Variants in FBLN2 observed in about 807,000 individuals in gnomAD.
The protein encoded by FBLN2 is fibulin-2.
A neutral mutation model predicts 123.7 loss-of-function variants in FBLN2; 81 were observed. The ratio of observed to expected loss-of-function variants is 0.65; its 90% confidence interval spans 0.55 to 0.79. The LOEUF is 0.79. Among genes scored for constraint, FBLN2 ranks in the 30% least tolerant of loss-of-function variants. The pLI is 0.00. For synonymous variants in FBLN2, 699 were observed against 701.4 expected (o/e 1.00, Z 0.05); for missense variants, 1,603 against 1,681.3 (o/e 0.95, Z 0.81).
At chr3:13,615,703 C>A (rs187117840) in intron 5 of FBLN2, among the ~76,000 whole-genome samples, 2 of 152,202 alleles carry the variant, frequency 1.3e-5, no homozygotes, top group South Asian at 4.1e-4. Context: ...TTACCGTTGC[C>A]GTGCTTCAGC....
At chr3:13,585,200 AC>A (rs1158999810) in intron 2 of FBLN2, among the ~76,000 whole-genome samples, 2 of 151,798 alleles carry the variant, frequency 1.3e-5, no homozygotes, top group Non-Finnish European at 2.9e-5. Flanking sequence ...TGTGCCTCAC[AC>A]CCCCCACCAG....
chr3:13,571,088 C>T lies in FBLN2; in HGVS notation c.733C>T (p.Pro245Ser), dbSNP rs753743138. 2.6e-6 allele frequency: 4 copies of T among 1,552,872 alleles called. No homozygotes were observed. Among genetic ancestry groups the T allele is most frequent in the East Asian group, 2.4e-5 (1 of 41,090 alleles). Reference protein sequence around the residue: ...GSQPLSTIQAPPWPAVLPRPT... With the variant: ...GSQPLSTIQASPWPAVLPRPT... The stretch of plus-strand genomic sequence containing the variant: ...TCAGCCACTGTCCACCATCCAGGCA[C>T]CCCCCTGGCCAGCTGTCCTCCCCAG... Residue 245 changes from proline (P) to serine (S), a missense_variant, in exon 2 of 18, where the codon CCC (proline) becomes TCC (serine). Pro to Ser is a moderately conservative substitution (Grantham distance 74). Coordinates refer to ENST00000404922, the MANE Select transcript of FBLN2 (RefSeq NM_001004019.2).
chr3:13,581,222 T>A (rs868248371), intron 2 of FBLN2, among the ~76,000 whole-genome samples: 1 of 42,338 alleles, frequency 2.4e-5, no homozygotes, highest in African/African-American at 8.2e-5. Context: ...AGGTGGGGGG[T>A]GGGGGGGAGG....
At chr3:13,617,464 A>G (rs762919892) in intron 5 of FBLN2, among the ~76,000 whole-genome samples, 3 of 150,836 alleles carry the variant, frequency 2.0e-5, no homozygotes, top group Non-Finnish European at 4.4e-5. Context: ...CCATCCATCC[A>G]TTCAGCCAAA....
intron 2 of FBLN2, among the ~76,000 whole-genome samples, chr3:13,606,857 T>C (rs1215259174): frequency 6.6e-6 from 1 of 152,078 alleles, no homozygotes; most frequent in East Asian, 1.9e-4. Context: ...TTCTCCATGT[T>C]GGTCAGGCTG....
Position 13,562,913 on chromosome 3 carries a change from C to T in FBLN2, c.-41-7402C>T, listed in dbSNP as rs141593158. Among the ~76,000 whole-genome samples, 1,017 of 152,272 alleles carry T rather than the reference C, an allele frequency of 6.7e-3. 12 individuals carry two copies. Among genetic ancestry groups the T allele is most frequent in the African/African-American group, 0.023 (935 of 41,550 alleles). ...GTCCTTTGGTGTCTGGCTTATTCAC[C>T]TAGCACAGCGTCCTCAGGGTTCATC... On this transcript the variant is annotated intron_variant, in intron 1 of 17. Transcript: ENST00000404922.
At chr3:13,586,495 G>GTTTTT (rs1245229846) in intron 2 of FBLN2, among the ~76,000 whole-genome samples, 1 of 117,764 alleles carries the variant, frequency 8.5e-6, no homozygotes, top group African/African-American at 3.1e-5. Context: ...TGTCTTAGTT[G>GTTTTT]TTTTTTTTTT....
chr3:13,552,190 C>T (rs1022681885), intron 1 of FBLN2, among the ~76,000 whole-genome samples: 2 of 148,304 alleles, frequency 1.3e-5, no homozygotes, highest in Non-Finnish European at 3.0e-5. Flanking sequence ...TTCCCCCACA[C>T]TGCTGCTGGC....
At chr3:13,635,715 A>G (rs1706437106) in intron 16 of FBLN2, among the ~76,000 whole-genome samples, 1 of 152,192 alleles carries the variant, frequency 6.6e-6, no homozygotes, top group African/African-American at 2.4e-5. Flanking sequence ...ACTTCCATCC[A>G]GCAAGAAGTA....
At chr3:13,631,553 A>G in intron 16 of FBLN2, 96 bp downstream of exon 16, 2 of 1,392,368 alleles carry the variant, frequency 1.4e-6, no homozygotes, top group Admixed American at 4.9e-5. Flanking sequence ...GTGCACTTGG[A>G]GCCCCCACAC....
At chr3:13,587,182 T>C (rs1421710767) in intron 2 of FBLN2, among the ~76,000 whole-genome samples, 1 of 148,004 alleles carries the variant, frequency 6.8e-6, no homozygotes, top group African/African-American at 2.5e-5. Context: ...ATTAAAAAAA[T>C]AATAAAAACA....
At chr3:13,556,955 T>G (rs1271643761) in intron 1 of FBLN2, among the ~76,000 whole-genome samples, 1 of 152,244 alleles carries the variant, frequency 6.6e-6, no homozygotes, top group Non-Finnish European at 1.5e-5. Context: ...CCATCTTTCT[T>G]TTGTCTCTGC....
At chr3:13,577,702 A>G (rs1340601159) in intron 2 of FBLN2, among the ~76,000 whole-genome samples, 1 of 152,166 alleles carries the variant, frequency 6.6e-6, no homozygotes, top group Non-Finnish European at 1.5e-5. Context: ...TCTGCTGGAG[A>G]GAATGGGAGC....
rs1033462452 is a variant in FBLN2, at chr3:13,571,134, T to C, written c.779T>C (p.Leu260Pro). Residue 260 changes from leucine to proline, a missense_variant, in exon 2 of 18, where the codon CTG becomes CCG. Physicochemically the swap from Leu to Pro is moderately conservative, Grantham distance 98 (BLOSUM62 -3). Coordinates refer to ENST00000404922, the MANE Select transcript of FBLN2 (RefSeq NM_001004019.2). ...VLPRPTAAAA[L>P]GPPAPVQAKA... ...CCCAGGCCCACAGCGGCTGCTGCCC[T>C]GGGTCCCCCAGCCCCAGTGCAGGCC... The C allele has an allele frequency of 1.3e-6, 2 of 1,552,834 alleles. No individual in the cohort carries two copies. The highest frequency in any genetic ancestry group is 1.4e-5 in the African/African-American group (1 of 73,102).
intron 1 of FBLN2, among the ~76,000 whole-genome samples, chr3:13,554,258 T>C (rs112398554): frequency 0.047 from 7,231 of 152,262 alleles, 233 homozygotes; most frequent in Non-Finnish European, 0.071. Context: ...GCTTCTGTCT[T>C]CTGGCCACGG....
At position 13,571,089 on chromosome 3, in the gene FBLN2, C is replaced by A. The variant is rs1304120624; in HGVS notation, c.734C>A (p.Pro245His). ...CAGCCACTGTCCACCATCCAGGCAC[C>A]CCCCTGGCCAGCTGTCCTCCCCAGG... ...GSQPLSTIQA[P>H]PWPAVLPRPT... Residue 245 changes from proline (P) to histidine (H), a missense_variant, in exon 2 of 18, where the codon CCC (proline) becomes CAC (histidine). Pro to His is a moderately conservative substitution (Grantham distance 77). Coordinates refer to ENST00000404922, the MANE Select transcript of FBLN2 (RefSeq NM_001004019.2). The A allele has an allele frequency of 3.2e-6, 5 of 1,553,366 alleles. No individual in the cohort carries two copies. The Admixed American group carries it at 5.9e-5, about 18-fold the overall frequency.
Position 13,618,928 on chromosome 3 carries a change from C to T in FBLN2, c.1964C>T (p.Ala655Val), listed in dbSNP as rs1340690434. ...GAGGGTCACCCTCCACAGCCGGAAG[C>T]CCCACAGGAGCCTGCACTGAAGTCA... is the stretch of plus-strand genomic sequence containing the variant. ...RPEGHPPQPE[A>V]PQEPALKSEF... The change falls in exon 7 of 18, where the codon GCC becomes GTC. Residue 655 changes from alanine to valine, a missense_variant. Coordinates refer to ENST00000404922, the MANE Select transcript of FBLN2 (RefSeq NM_001004019.2). 4 of 1,613,392 alleles carry T rather than the reference C, an allele frequency of 2.5e-6. No individual in the cohort carries two copies. The highest frequency in any genetic ancestry group is 3.4e-6 in the Non-Finnish European group (4 of 1,179,708).
chr3:13,605,491 C>T (rs142285849), intron 2 of FBLN2, among the ~76,000 whole-genome samples: 1 of 152,288 alleles, frequency 6.6e-6, no homozygotes, highest in African/African-American at 2.4e-5. Flanking sequence ...TGTTCCTCCA[C>T]ACTTCTGTGT....
chr3:13,559,165 C>T (rs966152854), intron 1 of FBLN2, among the ~76,000 whole-genome samples: 6 of 152,136 alleles, frequency 3.9e-5, no homozygotes, highest in African/African-American at 1.4e-4. Context: ...GAAACTCCCT[C>T]ACATAGCAGT....
Sources: gnomAD v4.1 joint callset for allele counts (sites outside exome capture counted in the v4.1 genomes callset) on GRCh38, gnomAD v4.1.1 for gene constraint, MANE v1.5 for transcripts, NCBI Gene and HGNC (gene_info 2026-07-23, HGNC 2026-07-21) for gene names.